The following TYW1B variants were observed in gnomAD, a reference collection of about 807,000 sequenced individuals.
The protein encoded by TYW1B is S-adenosyl-L-methionine-dependent tRNA 4-demethylwyosine synthase TYW1B.
TYW1B carries 73 observed loss-of-function variants against 86.9 expected under a neutral mutation model. The ratio of observed to expected loss-of-function variants is 0.84; its 90% CI spans 0.70 to 1.02. The LOEUF (loss-of-function observed/expected upper bound fraction) is 1.02, where lower values mean the gene tolerates loss of function less well. Among genes scored for constraint, TYW1B ranks in the 50% least tolerant of loss-of-function variants. The pLI is 0.00. For missense variants in TYW1B, 637 were observed against 827.4 expected, an observed-to-expected ratio of 0.77 and a Z score of 2.82; for synonymous variants, 248 against 292.8, an observed-to-expected ratio of 0.85 and a Z score of 1.56.
At chr7:72,774,611 G>T (rs1269430373) in intron 7 of TYW1B, among the ~76,000 whole-genome samples, 2 of 152,040 alleles carry the variant, frequency 1.3e-5, no homozygotes, top group African/African-American at 4.8e-5. Context: ...TACTCAGGAG[G>T]CTGAGGCAGG....
intron 9 of TYW1B, among the ~76,000 whole-genome samples, chr7:72,715,204 T>G (rs1786755625): frequency 6.6e-6 from 1 of 151,864 alleles, no homozygotes; most frequent in South Asian, 2.1e-4. Context: ...GCCCCCCAGG[T>G]GATTCCAATG....
chr7:72,579,491 TCTGGAGG>T (rs1811099839), intron 13 of TYW1B, among the ~76,000 whole-genome samples: 1 of 152,188 alleles, frequency 6.6e-6, no homozygotes, highest in Admixed American at 6.5e-5. Flanking sequence ...TTCTCACAGT[TCTGGAGG>T]CTGGAATTCC....
chr7:72,698,836 G>T (rs1814388188), intron 10 of TYW1B, among the ~76,000 whole-genome samples: 1 of 152,122 alleles, frequency 6.6e-6, no homozygotes, highest in South Asian at 2.1e-4. Flanking sequence ...AAATCCAAGA[G>T]AATACGGATG....
chr7:72,762,895 A>C (rs1787708359), intron 7 of TYW1B, among the ~76,000 whole-genome samples: 1 of 152,066 alleles, frequency 6.6e-6, no homozygotes, highest in Non-Finnish European at 1.5e-5. Context: ...CTTGACCTCA[A>C]GTGATCCATC....
intron 11 of TYW1B, among the ~76,000 whole-genome samples, chr7:72,686,085 C>T (rs574816818): frequency 2.0e-4 from 30 of 152,272 alleles, no homozygotes; most frequent in Non-Finnish European, 7.4e-5. Context: ...ACAACAGTGA[C>T]AGAAACTCTC....
chr7:72,803,748 G>A (rs1460113369), intron 5 of TYW1B, among the ~76,000 whole-genome samples: 1 of 151,738 alleles, frequency 6.6e-6, no homozygotes, highest in African/African-American at 2.4e-5. Context: ...AGAGTAGCTG[G>A]GACTACAGGC....
chr7:72,602,862 AC>A (rs1554434042), intron 13 of TYW1B, among the ~76,000 whole-genome samples: 1 of 151,498 alleles, frequency 6.6e-6, no homozygotes, highest in Non-Finnish European at 1.5e-5. Flanking sequence ...ACACACACAC[AC>A]ACACACACAC....
chr7:72,809,902 A>AGG (rs1554477599), intron 4 of TYW1B, among the ~76,000 whole-genome samples: 1 of 151,354 alleles, frequency 6.6e-6, no homozygotes. Flanking sequence ...CGGGAGGCTG[A>AGG]TAAATGAGAA....
intron 11 of TYW1B, among the ~76,000 whole-genome samples, chr7:72,689,494 GA>G (rs1470472582): frequency 6.6e-6 from 1 of 152,132 alleles, no homozygotes; most frequent in African/African-American, 2.4e-5. Context: ...CAGAAAATGT[GA>G]CTGTCAGGCC....
At chr7:72,608,694 T>C (rs1352939973) in intron 13 of TYW1B, among the ~76,000 whole-genome samples, 1 of 152,198 alleles carries the variant, frequency 6.6e-6, no homozygotes, top group East Asian at 1.9e-4. Flanking sequence ...GAAAAACATA[T>C]ACCATGCAAA....
intron 9 of TYW1B, 127 bp downstream of exon 9, chr7:72,728,695 G>A: frequency 1.1e-6 from 1 of 910,708 alleles, no homozygotes; most frequent in Non-Finnish European, 1.6e-6. Context: ...TTCCTACGAA[G>A]TTTTCACTTC....
intron 9 of TYW1B, among the ~76,000 whole-genome samples, chr7:72,728,104 A>C (rs1315471492): frequency 3.9e-5 from 6 of 152,050 alleles, no homozygotes; most frequent in Non-Finnish European, 7.4e-5. Context: ...TTTTTAAATA[A>C]GGAATTCATT....
At chr7:72,814,261 C>T (rs1399548162) in intron 3 of TYW1B, among the ~76,000 whole-genome samples, 2 of 151,994 alleles carry the variant, frequency 1.3e-5, no homozygotes, top group Non-Finnish European at 2.9e-5. Context: ...CCAGACCCGC[C>T]TGGGCAACAC....
chr7:72,617,193 G>A (rs192642145), intron 12 of TYW1B, among the ~76,000 whole-genome samples: 2 of 152,100 alleles, frequency 1.3e-5, no homozygotes, highest in African/African-American at 4.8e-5. Flanking sequence ...ATTATGAAGG[G>A]GTTATCACCC....
chr7:72,770,516 A>T (rs550509523), intron 7 of TYW1B, among the ~76,000 whole-genome samples: 1 of 152,156 alleles, frequency 6.6e-6, no homozygotes, highest in Non-Finnish European at 1.5e-5. Flanking sequence ...CCTAAAAGAC[A>T]ATACCACATG....
chr7:72,773,523 GTT>G (rs1787901563), intron 7 of TYW1B, among the ~76,000 whole-genome samples: 1 of 152,136 alleles, frequency 6.6e-6, no homozygotes, highest in Non-Finnish European at 1.5e-5. Flanking sequence ...GGACTCTTGA[GTT>G]TGGAAAATGC....
intron 10 of TYW1B, among the ~76,000 whole-genome samples, chr7:72,706,433 A>AAAC (rs1488071443): frequency 0.022 from 227 of 10,112 alleles, no homozygotes; most frequent in African/African-American, 0.083. Context: ...TCCATCTCCA[A>AAAC]AAAAAAAAAA....
At chr7:72,689,149 T>C (rs1385491726) in intron 11 of TYW1B, among the ~76,000 whole-genome samples, 8 of 152,070 alleles carry the variant, frequency 5.3e-5, no homozygotes, top group African/African-American at 1.4e-4. Flanking sequence ...GGCTCAAGAA[T>C]AGACTTTGGC....
At chr7:72,690,097 G>T (rs1235424129) in intron 11 of TYW1B, among the ~76,000 whole-genome samples, 1 of 152,036 alleles carries the variant, frequency 6.6e-6, no homozygotes, top group African/African-American at 2.4e-5. Flanking sequence ...AAATTATGTT[G>T]GTCATTTTTC....
Sources: gnomAD v4.1 joint callset for allele counts (sites outside exome capture counted in the v4.1 genomes callset) on GRCh38, gnomAD v4.1.1 for gene constraint, MANE v1.5 for transcripts, NCBI Gene and HGNC (gene_info 2026-07-23, HGNC 2026-07-21) for gene names.